FUT9: variants seen among roughly 807,000 people sequenced by gnomAD.
The protein encoded by FUT9 is 4-galactosyl-N-acetylglucosaminide 3-alpha-L-fucosyltransferase 9.
A neutral mutation model predicts 29.7 loss-of-function variants in FUT9; 15 were observed. The observed-to-expected ratio is 0.51, with a 90% CI of 0.34 to 0.78. The LOEUF is 0.78. Ranked by LOEUF, FUT9 falls within the 30% of genes least tolerant of loss-of-function variation. FUT9 has a pLI of 0.01. For synonymous variants in FUT9, 169 were observed against 153.7 expected (o/e 1.10, Z -0.74); for missense variants, 319 against 425.4 (o/e 0.75, Z 2.20).
chr6:96,052,385 T>C (rs1265966396), intron 1 of FUT9, among the ~76,000 whole-genome samples: 1 of 152,248 alleles, frequency 6.6e-6, no homozygotes, highest in Non-Finnish European at 1.5e-5. Flanking sequence ...TTGTCACTCT[T>C]TCTTTCCATG....
Position 96,207,414 on chromosome 6 carries a change from T to A in FUT9, c.*3179T>A, listed in dbSNP as rs1773853078. 6.0e-6 allele frequency: 1 copy of A among 167,042 alleles called. No homozygotes were observed. The highest frequency in any genetic ancestry group is 2.4e-5 in the African/African-American group (1 of 41,422). The allele number at this position is 167,042 out of a possible 1,614,324, so 10.3% of individuals were successfully genotyped here. ...TTTAGGGCCTATAGAATGGTACACC[T>A]CATGTAGAAGAACTTCGACTTTTGA... is the stretch of plus-strand genomic sequence containing the variant. On this transcript the variant is annotated 3_prime_UTR_variant, in exon 3 of 3. Coordinates refer to ENST00000302103, the MANE Select transcript of FUT9 (RefSeq NM_006581.4).
intron 1 of FUT9, among the ~76,000 whole-genome samples, chr6:96,039,212 T>C (rs1770412958): frequency 6.6e-6 from 1 of 152,006 alleles, no homozygotes; most frequent in Non-Finnish European, 1.5e-5. Context: ...TATATATATG[T>C]ATACACACAC....
At chr6:96,018,634 A>T (rs1212918357) in intron 1 of FUT9, among the ~76,000 whole-genome samples, 1 of 152,132 alleles carries the variant, frequency 6.6e-6, no homozygotes, top group Non-Finnish European at 1.5e-5. Flanking sequence ...CTAGAGGATG[A>T]CGGGTTTAAG....
rs144339998 is a variant in FUT9 at position 96,199,744 on chromosome 6, C to A, written c.-8-3404C>A. On this transcript the variant is annotated intron_variant, in intron 2 of 2. Transcript: ENST00000302103. The stretch of plus-strand genomic sequence containing the variant: ...CAGAGGAAGAAACAAAGTACGTATT[C>A]ATTCATTCACATTTGGCTAATTTTT... Among the ~76,000 whole-genome samples, 23 of 152,240 alleles carry A rather than the reference C, an allele frequency of 1.5e-4. No individual in the cohort carries two copies. The East Asian group carries it at 3.1e-3, about 20-fold the overall frequency.
At chr6:96,059,269 C>T (rs1483413240) in intron 1 of FUT9, among the ~76,000 whole-genome samples, 5 of 152,114 alleles carry the variant, frequency 3.3e-5, no homozygotes, top group Non-Finnish European at 1.5e-5. Context: ...TGCTTGCAAT[C>T]CTCCCCTAAA....
At chr6:96,083,333 T>C (rs1360440176) in intron 1 of FUT9, among the ~76,000 whole-genome samples, 1 of 152,084 alleles carries the variant, frequency 6.6e-6, no homozygotes, top group Non-Finnish European at 1.5e-5. Context: ...GGCTAATAAT[T>C]AATCAGCATA....
intron 1 of FUT9, among the ~76,000 whole-genome samples, chr6:96,092,845 C>T (rs4422627): frequency 0.41 from 62,427 of 151,820 alleles, 13,321 homozygotes; most frequent in East Asian, 0.61. Context: ...AATCACAGCT[C>T]AACCTCCTGG....
At chr6:96,129,081 C>A (rs947986285) in intron 2 of FUT9, among the ~76,000 whole-genome samples, 4 of 146,860 alleles carry the variant, frequency 2.7e-5, no homozygotes, top group African/African-American at 7.4e-5. Flanking sequence ...CACGGTGAAA[C>A]CCTGTCTCTA....
At chr6:96,027,367 A>G (rs1396002910) in intron 1 of FUT9, among the ~76,000 whole-genome samples, 1 of 151,692 alleles carries the variant, frequency 6.6e-6, no homozygotes, top group East Asian at 1.9e-4. Flanking sequence ...AAAGAGGTAG[A>G]CTGAAGATGA....
intron 2 of FUT9, among the ~76,000 whole-genome samples, chr6:96,164,986 G>A (rs532259134): frequency 6.6e-6 from 1 of 152,236 alleles, no homozygotes; most frequent in East Asian, 1.9e-4. Context: ...AGTCAGAGAT[G>A]GGCTAGAGGA....
intron 2 of FUT9, among the ~76,000 whole-genome samples, chr6:96,158,251 G>A (rs1772827146): frequency 6.6e-6 from 1 of 151,994 alleles, no homozygotes; most frequent in Non-Finnish European, 1.5e-5. Flanking sequence ...TGGTTTAATG[G>A]TCTTTAATTC....
At chr6:96,199,735 G>A in intron 2 of FUT9, among the ~76,000 whole-genome samples, 1 of 152,092 alleles carries the variant, frequency 6.6e-6, no homozygotes. Flanking sequence ...AAGAAACAAA[G>A]TACGTATTCA....
At chr6:96,153,201 TA>T (rs1772713904) in intron 2 of FUT9, among the ~76,000 whole-genome samples, 1 of 152,162 alleles carries the variant, frequency 6.6e-6, no homozygotes, top group Non-Finnish European at 1.5e-5. Flanking sequence ...CCAAATTTGG[TA>T]AAGAAATACA....
intron 2 of FUT9, among the ~76,000 whole-genome samples, chr6:96,172,078 C>T (rs891601428): frequency 1.3e-5 from 2 of 152,090 alleles, no homozygotes; most frequent in African/African-American, 4.8e-5. Flanking sequence ...AGGGTGTGAG[C>T]TTGTTCAGGT....
At chr6:96,115,150 G>A (rs1433526361) in intron 2 of FUT9, among the ~76,000 whole-genome samples, 2 of 152,118 alleles carry the variant, frequency 1.3e-5, no homozygotes, top group Non-Finnish European at 2.9e-5. Context: ...TTATAGCAGT[G>A]CTATCTAATA....
At chr6:96,053,522 C>A (rs989111850) in intron 1 of FUT9, among the ~76,000 whole-genome samples, 1 of 152,046 alleles carries the variant, frequency 6.6e-6, no homozygotes, top group African/African-American at 2.4e-5. Flanking sequence ...TCCTGGCTAG[C>A]ACGGTGAAAA....
At chr6:96,123,851 C>T (rs759596254) in intron 2 of FUT9, among the ~76,000 whole-genome samples, 21 of 151,740 alleles carry the variant, frequency 1.4e-4, no homozygotes, top group East Asian at 2.0e-4. Flanking sequence ...ATGCCAAGGG[C>T]TTTTCATGAG....
At chr6:96,074,842 A>T (rs944902507) in intron 1 of FUT9, among the ~76,000 whole-genome samples, 3 of 152,058 alleles carry the variant, frequency 2.0e-5, no homozygotes, top group Non-Finnish European at 4.4e-5. Flanking sequence ...TGTGGTATGA[A>T]CACAGCTCAC....
chr6:96,105,120 A>G (rs1032340851), intron 1 of FUT9, among the ~76,000 whole-genome samples: 1 of 152,230 alleles, frequency 6.6e-6, no homozygotes, highest in African/African-American at 2.4e-5. Context: ...CCTGAAATTC[A>G]AGTTTTAAAA....
Sources: allele counts gnomAD v4.1 joint callset (sites outside exome capture counted in the v4.1 genomes callset), GRCh38; gene constraint gnomAD v4.1.1; transcripts MANE v1.5; gene names NCBI Gene and HGNC (gene_info 2026-07-23, HGNC 2026-07-21).